The following AIRE variants were observed in gnomAD, a reference collection of about 807,000 sequenced individuals.
AIRE encodes autoimmune regulator.
In AIRE, 52 loss-of-function variants were observed where a neutral mutation model predicts 62.1. The ratio of observed to expected loss-of-function variants is 0.84; its 90% confidence interval spans 0.67 to 1.06. The LOEUF is 1.06. AIRE is among the 50% of genes least tolerant of loss of function. AIRE has a pLI of 0.00. For synonymous variants in AIRE, 342 were observed against 321.6 expected (o/e 1.06, Z -0.68); for missense variants, 774 against 755.8 (o/e 1.02, Z -0.28).
At chr21:44,295,097 C>CG (rs1555873344) in intron 12 of AIRE, among the ~76,000 whole-genome samples, 5 of 152,070 alleles carry the variant, frequency 3.3e-5, no homozygotes, top group Non-Finnish European at 4.4e-5. Flanking sequence ...CAGGAGCCTC[C>CG]GGGGGGGTGG....
chr21:44,292,529 A>G (rs1269517223), intron 9 of AIRE, 128 bp downstream of exon 9: 58 of 672,460 alleles, frequency 8.6e-5, no homozygotes, highest in Non-Finnish European at 1.5e-4. Context: ...TGCCCCAGCC[A>G]TAGCACTATG....
At position 44,297,658 on chromosome 21, in the gene AIRE, C is replaced by G. The variant is rs750333923; in HGVS notation, c.1569C>G (p.His523Gln). ...RDDLESLLSE[H>Q]TFDGILQWAI... ...CTCACCGTCACTCTGTCCCGCAGCACACCTTCGATGGCATCCTGCAGTGGG... is the reference window on the plus strand; with the variant it reads ...CTCACCGTCACTCTGTCCCGCAGCAGACCTTCGATGGCATCCTGCAGTGGG... The change falls in exon 14 of 14, where the codon CAC becomes CAG. Residue 523 changes from histidine (H) to glutamine (Q), a missense_variant and splice_region_variant. Physicochemically the swap from His to Gln is conservative, Grantham distance 24. Transcript: ENST00000291582. The surrounding 1 kb of genome is among the most constrained non-coding windows in gnomAD (Gnocchi z 4.8). 8.7e-6 allele frequency: 14 copies of G among 1,611,680 alleles called. No individual in the cohort carries two copies. The South Asian group carries it at 1.4e-4, about 16-fold the overall frequency.
intron 7 of AIRE, chr21:44,290,862 G>T (rs776581217): frequency 6.2e-7 from 1 of 1,600,964 alleles, no homozygotes; most frequent in Non-Finnish European, 8.5e-7. Flanking sequence ...GCAAGAAACC[G>T]GGTTTTCTTC....
intron 9 of AIRE, 137 bp from the exon 10 acceptor site, chr21:44,292,856 C>G (rs1464980122): frequency 5.5e-6 from 4 of 724,726 alleles, no homozygotes; most frequent in Non-Finnish European, 9.6e-6. Flanking sequence ...TCCACCATGC[C>G]AGCCCTCCGC....
intron 7 of AIRE, chr21:44,290,651 G>T (rs2040527082): frequency 8.8e-7 from 1 of 1,133,096 alleles, no homozygotes; most frequent in South Asian, 1.4e-5. Context: ...GGGGGATTCT[G>T]GAGGAAGTGG....
In AIRE at chr21:44,287,427, C is replaced by A; in HGVS notation, c.464-90C>A. 1 of 918,322 alleles carries A rather than the reference C, an allele frequency of 1.1e-6. No homozygotes were observed. The highest frequency in any genetic ancestry group is 1.4e-5 in the South Asian group (1 of 69,284). The allele number at this position is 918,322 out of a possible 1,614,324, so 56.9% of individuals were successfully genotyped here. On this transcript the variant is annotated intron_variant, in intron 3 of 13. Coordinates refer to ENST00000291582, the MANE Select transcript of AIRE (RefSeq NM_000383.4). The surrounding 1 kb of genome is among the most constrained non-coding windows in gnomAD (Gnocchi z 4.3). ...GGGACTACCCAGCACTGGACCGCCC[C>A]CTCCACGCCCTCCCACCGCGGGCCC...
rs1601963938 is a variant in AIRE at position 44,286,026 on chromosome 21, T to TACGCCGGCTTCTGAGGCTGCACC, written c.21_43dup (p.Arg15HisfsTer5). 1 of 1,534,326 alleles carries TACGCCGGCTTCTGAGGCTGCACC rather than the reference T, an allele frequency of 6.5e-7. No individual in the cohort carries two copies. Among genetic ancestry groups the TACGCCGGCTTCTGAGGCTGCACC allele is most frequent in the Non-Finnish European group, 8.7e-7 (1 of 1,144,824 alleles). On this transcript the variant is annotated frameshift_variant, in exon 1 of 14. Transcript: ENST00000291582. LOFTEE classifies it high-confidence loss of function. The surrounding 1 kb of genome is among the most constrained non-coding windows in gnomAD (Gnocchi z 6.0). Reference sequence around the variant, plus strand: ...CACCCCATGGCGACGGACGCGGCGCTACGCCGGCTTCTGAGGCTGCACCGC... The same window carrying TACGCCGGCTTCTGAGGCTGCACC: ...CACCCCATGGCGACGGACGCGGCGCTACGCCGGCTTCTGAGGCTGCACCACGCCGGCTTCTGAGGCTGCACCGC...
chr21:44,292,373 G>A lies in AIRE; in HGVS notation c.1067G>A (p.Arg356Gln), dbSNP rs752432041. 124 of 1,560,862 alleles carry A rather than the reference G, an allele frequency of 7.9e-5. 1 individual carries two copies. In the South Asian group the frequency reaches 1.1e-3, roughly 14 times the overall value. ...GTGCAGCCCCGGGCAGAGGAGCCCC[G>A]GCCCCAGGAGCCACCCGTGGAGACC... ...QEVQPRAEEP[R>Q]PQEPPVETPL... Residue 356 changes from arginine (R) to glutamine (Q), a missense_variant, in exon 9 of 14, where the codon CGG becomes CAG. Arg to Gln is a conservative substitution (Grantham distance 43). Coordinates refer to ENST00000291582, the MANE Select transcript of AIRE (RefSeq NM_000383.4).
intron 9 of AIRE, 66 bp downstream of exon 9, chr21:44,292,467 C>T: frequency 1.8e-6 from 2 of 1,103,954 alleles, no homozygotes; most frequent in Non-Finnish European, 2.6e-6. Context: ...CCCTCCTAGG[C>T]TGGGCCACCC....
At chr21:44,289,477 C>G in intron 5 of AIRE, 180 bp from the exon 6 acceptor site, 1 of 747,116 alleles carries the variant, frequency 1.3e-6, no homozygotes, top group Non-Finnish European at 2.2e-6. Context: ...GTTGAACACC[C>G]TGGTGTAGAT....
intron 8 of AIRE, among the ~76,000 whole-genome samples, chr21:44,291,708 A>G (rs2146381638): frequency 6.6e-6 from 1 of 152,118 alleles, no homozygotes; most frequent in African/African-American, 2.4e-5. Flanking sequence ...CCCACGGCCC[A>G]CCGAGCCCTG....
intron 4 of AIRE, 75 bp from the exon 5 acceptor site, chr21:44,288,270 C>A: frequency 1.6e-6 from 2 of 1,246,056 alleles, no homozygotes; most frequent in South Asian, 2.4e-5. Context: ...CCAGTGCTGC[C>A]TGCTTCTGGC....
chr21:44,291,896 C>A (rs2040544507), intron 8 of AIRE, among the ~76,000 whole-genome samples: 1 of 152,188 alleles, frequency 6.6e-6, no homozygotes, highest in Non-Finnish European at 1.5e-5. Flanking sequence ...TTGCTCGGCT[C>A]CTGAAGCCGT....
In AIRE at chr21:44,293,097, G is replaced by C. The variant is rs377627680; in HGVS notation, c.1200G>C (p.Pro400=). The C allele has an allele frequency of 6.2e-7, 1 of 1,608,926 alleles. No homozygotes were observed. Among genetic ancestry groups the C allele is most frequent in the Admixed American group, 1.7e-5 (1 of 59,566 alleles). Residue 400 remains proline (P), a synonymous_variant, in exon 10 of 14, where the codon CCG becomes CCC. Coordinates refer to ENST00000291582, the MANE Select transcript of AIRE (RefSeq NM_000383.4). The stretch of plus-strand genomic sequence containing the variant: ...TTGTCTACAAGCACCTGCCGGCTCC[G>C]CCTTCTGCAGCCCCGCTGCCAGGGC... ...TTLVYKHLPA[P]PSAAPLPGLD...
rs991131728 is a variant in AIRE at position 44,286,410 on chromosome 21, T to C, written c.133-147T>C. On this transcript the variant is annotated intron_variant, in intron 1 of 13. Transcript: ENST00000291582. The surrounding 1 kb of genome is among the most constrained non-coding windows in gnomAD (Gnocchi z 6.0). Reference sequence around the variant, plus strand: ...CAACACCCCTACACCACCACCTGACTCCACCACAAGCCGAGGAGATGGGCG... The same window carrying C: ...CAACACCCCTACACCACCACCTGACCCCACCACAAGCCGAGGAGATGGGCG... 3.8e-6 allele frequency: 3 copies of C among 782,310 alleles called. No individual in the cohort carries two copies. The highest frequency in any genetic ancestry group is 3.7e-5 in the African/African-American group (2 of 53,582). 48.5% of individuals were successfully genotyped at this position (782,310 alleles called of 1,614,324 possible). A position where few individuals can be genotyped will look rare whatever the true frequency, so the allele number is the denominator to read the frequency against.
chr21:44,296,814 G>T (rs946440772), intron 13 of AIRE, among the ~76,000 whole-genome samples: 2 of 148,236 alleles, frequency 1.3e-5, no homozygotes, highest in Non-Finnish European at 3.0e-5. Context: ...CAGGGAGGGT[G>T]GGGCGTGGGA....
At chr21:44,290,212 A>G (rs2040522453) in intron 7 of AIRE, 144 bp downstream of exon 7, 1 of 1,492,632 alleles carries the variant, frequency 6.7e-7, no homozygotes, top group Non-Finnish European at 8.9e-7. Flanking sequence ...TTTTTCTTTA[A>G]TAGACAGTAT....
At chr21:44,288,627 A>G (rs1372325317) in intron 5 of AIRE, 169 bp downstream of exon 5, 4 of 605,046 alleles carry the variant, frequency 6.6e-6, no homozygotes, top group African/African-American at 3.7e-5. Flanking sequence ...GAGGGTGAGC[A>G]CTGAAGTCTC....
Position 44,291,161 on chromosome 21 carries a change from C to G in AIRE, c.946C>G (p.Arg316Gly), listed in dbSNP as rs139874934. 5.0e-6 allele frequency: 8 copies of G among 1,609,074 alleles called. No homozygotes were observed. The highest frequency in any genetic ancestry group is 6.8e-6 in the Non-Finnish European group (8 of 1,179,758). The change falls in exon 8 of 14, where the codon CGG becomes GGG. Residue 316 changes from arginine (R) to glycine (G), a missense_variant. Arg to Gly is a moderately radical substitution (Grantham distance 125). Around this residue, in one of 3 missense-constraint regions of AIRE, gnomAD observed 35 missense variants for 63.7 expected, o/e 0.55. Transcript: ENST00000291582. The part of the protein sequence containing the change: ...GELICCDGCP[R>G]AFHLACLSPP... ...GCTCATCTGCTGTGACGGCTGCCCT[C>G]GGGCCTTCCACCTGGCCTGCCTGTC...
Sources: gnomAD v4.1 joint callset for allele counts (sites outside exome capture counted in the v4.1 genomes callset) on GRCh38, gnomAD v4.1.1 for gene constraint, gnomAD v4.1.1 regional missense constraint, Gnocchi (gnomAD v3.1) non-coding constraint, MANE v1.5 for transcripts, NCBI Gene and HGNC (gene_info 2026-07-23, HGNC 2026-07-21) for gene names.